The following LRMDA variants were observed in gnomAD, a reference collection of about 807,000 sequenced individuals.
LRMDA encodes leucine rich melanocyte differentiation associated, also known as leucine-rich melanocyte differentiation-associated protein.
A neutral mutation model predicts 29.8 loss-of-function variants in LRMDA; 18 were observed. The ratio of observed to expected loss-of-function variants is 0.60; its 90% CI spans 0.42 to 0.90. The LOEUF (loss-of-function observed/expected upper bound fraction) is 0.90. Among genes scored for constraint, LRMDA ranks in the 40% least tolerant of loss-of-function variants. The pLI is 0.00. For missense variants in LRMDA, 273 were observed against 273.9 expected (o/e 1.00, Z 0.02); for synonymous variants, 125 against 109.4 (o/e 1.14, Z -0.89).
At chr10:76,055,806 C>T (rs552017099) in intron 4 of LRMDA, among the ~76,000 whole-genome samples, 2 of 152,342 alleles carry the variant, frequency 1.3e-5, no homozygotes, top group East Asian at 3.9e-4. Flanking sequence ...AACGTGGTGG[C>T]ACCTGGAAGC....
Position 75,990,769 on chromosome 10 carries a change from G to A in LRMDA, c.132-45239G>A, listed in dbSNP as rs551469974. On this transcript the variant is annotated intron_variant, in intron 2 of 6. Coordinates refer to ENST00000611255, the MANE Select transcript of LRMDA (RefSeq NM_001305581.2). ...AATGGTCCAGTTTGGTTAAGTGTGT[G>A]TTTAGGAAATGCCAGGGGCTGCTGG... 5.3e-5 allele frequency among the ~76,000 whole-genome samples: 8 copies of A among 152,310 alleles called. No individual in the cohort carries two copies. The South Asian group carries it at 1.7e-3, about 32-fold the overall frequency.
At chr10:75,739,166 T>C (rs1842800418) in intron 2 of LRMDA, among the ~76,000 whole-genome samples, 1 of 152,238 alleles carries the variant, frequency 6.6e-6, no homozygotes, top group African/African-American at 2.4e-5. Flanking sequence ...GACAAAGTAC[T>C]GCAGGGTGAC....
intron 6 of LRMDA, among the ~76,000 whole-genome samples, chr10:76,368,923 T>A (rs189066570): frequency 6.6e-6 from 1 of 152,320 alleles, no homozygotes; most frequent in Non-Finnish European, 1.5e-5. Context: ...TAGCTACCCC[T>A]ACTTGTTTTT....
intron 2 of LRMDA, among the ~76,000 whole-genome samples, chr10:75,704,261 T>C (rs918164508): frequency 3.3e-5 from 5 of 152,234 alleles, no homozygotes; most frequent in Admixed American, 1.3e-4. Context: ...TAACCACCTT[T>C]CAGCTTTCTT....
chr10:75,625,685 C>T (rs1411410928), intron 2 of LRMDA, among the ~76,000 whole-genome samples: 1 of 152,152 alleles, frequency 6.6e-6, no homozygotes, highest in Non-Finnish European at 1.5e-5. Flanking sequence ...AATATCTGCT[C>T]ATTCTCCTTT....
chr10:76,121,329 GGCGTTGTT>G (rs1396245162), intron 5 of LRMDA, among the ~76,000 whole-genome samples: 1 of 152,174 alleles, frequency 6.6e-6, no homozygotes, highest in Non-Finnish European at 1.5e-5. Flanking sequence ...TCTGGCAGAG[GGCGTTGTT>G]CAGTATTTCC....
intron 6 of LRMDA, among the ~76,000 whole-genome samples, chr10:76,479,176 T>C (rs1842711323): frequency 6.6e-6 from 1 of 151,954 alleles, no homozygotes. Context: ...CAATCCTATA[T>C]TTGCTTTTTC....
chr10:76,253,520 GGA>G (rs60609129), intron 5 of LRMDA, among the ~76,000 whole-genome samples: 8,162 of 147,822 alleles, frequency 0.055, 689 homozygotes, highest in African/African-American at 0.19. Flanking sequence ...GAAGAGAGGG[GGA>G]GAGAGAGAGA....
intron 2 of LRMDA, among the ~76,000 whole-genome samples, chr10:75,917,896 C>A (rs776819353): frequency 6.6e-5 from 10 of 152,234 alleles, no homozygotes; most frequent in Non-Finnish European, 1.5e-4. Context: ...CAGCATCCTG[C>A]AGGGAAGGCT....
At chr10:76,288,567 A>C (rs540767548) in intron 5 of LRMDA, among the ~76,000 whole-genome samples, 1 of 152,326 alleles carries the variant, frequency 6.6e-6, no homozygotes, top group East Asian at 1.9e-4. Flanking sequence ...CAGCAAAAGA[A>C]ACTATCATCA....
intron 5 of LRMDA, among the ~76,000 whole-genome samples, chr10:76,130,342 A>G (rs1379669049): frequency 6.6e-6 from 1 of 152,178 alleles, no homozygotes; most frequent in Non-Finnish European, 1.5e-5. Flanking sequence ...GTGGAACCTC[A>G]CCTCTGTTAC....
chr10:76,010,553 C>T (rs1195105605), intron 2 of LRMDA, among the ~76,000 whole-genome samples: 1 of 152,182 alleles, frequency 6.6e-6, no homozygotes, highest in South Asian at 2.1e-4. Flanking sequence ...ACCTCGTGAT[C>T]TGCCCACCTT....
At chr10:75,439,588 C>T (rs528376704) in intron 2 of LRMDA, among the ~76,000 whole-genome samples, 26 of 152,246 alleles carry the variant, frequency 1.7e-4, no homozygotes, top group African/African-American at 6.0e-4. Context: ...GGATGCTGCT[C>T]GGGAGCACAT....
chr10:75,703,130 T>C (rs1776146694), intron 2 of LRMDA, among the ~76,000 whole-genome samples: 1 of 152,210 alleles, frequency 6.6e-6, no homozygotes, highest in African/African-American at 2.4e-5. Flanking sequence ...AATAGTATTG[T>C]GTTATTGTAT....
At chr10:75,805,086 C>T (rs999696782) in intron 2 of LRMDA, among the ~76,000 whole-genome samples, 16 of 152,202 alleles carry the variant, frequency 1.1e-4, no homozygotes, top group African/African-American at 3.4e-4. Flanking sequence ...AGAAGATCCG[C>T]GCAGTCAAGG....
intron 5 of LRMDA, among the ~76,000 whole-genome samples, chr10:76,098,190 C>T (rs1329307953): frequency 6.6e-6 from 1 of 152,008 alleles, no homozygotes; most frequent in Non-Finnish European, 1.5e-5. Flanking sequence ...TAAAAGTGTT[C>T]CCTCCTATTT....
intron 2 of LRMDA, among the ~76,000 whole-genome samples, chr10:75,597,457 C>A (rs1430602526): frequency 1.3e-5 from 2 of 152,152 alleles, no homozygotes; most frequent in African/African-American, 4.8e-5. Context: ...CCAGGTGAGC[C>A]AGGAGGGGAC....
intron 5 of LRMDA, among the ~76,000 whole-genome samples, chr10:76,118,029 T>C (rs1422507159): frequency 1.3e-5 from 2 of 152,218 alleles, no homozygotes; most frequent in Non-Finnish European, 1.5e-5. Flanking sequence ...GGTAGAGACT[T>C]CCTGGTAGAG....
At chr10:75,436,162 G>C (rs1327435191) in intron 1 of LRMDA, among the ~76,000 whole-genome samples, 1 of 151,996 alleles carries the variant, frequency 6.6e-6, no homozygotes, top group Admixed American at 6.6e-5. Flanking sequence ...CATAGGACTT[G>C]ATCTGGGCTC....
Sources: gnomAD v4.1 joint callset for allele counts (sites outside exome capture counted in the v4.1 genomes callset) on GRCh38, gnomAD v4.1.1 for gene constraint, MANE v1.5 for transcripts, NCBI Gene and HGNC (gene_info 2026-07-23, HGNC 2026-07-21) for gene names.